Variants in OSBPL10 observed in about 807,000 individuals in gnomAD.
OSBPL10 encodes the protein oxysterol-binding protein-related protein 10.
OSBPL10 carries 49 observed loss-of-function variants against 81.7 expected under a neutral mutation model. The observed-to-expected ratio is 0.60, with a 90% CI of 0.48 to 0.76. The LOEUF is 0.76. Among genes scored for constraint, OSBPL10 ranks in the 30% least tolerant of loss-of-function variants. The pLI, the probability that OSBPL10 is intolerant of heterozygous loss-of-function variation, is 0.00. For missense variants in OSBPL10, 923 were observed against 987.8 expected (o/e 0.93, Z 0.88); for synonymous variants, 419 against 383.6 (o/e 1.09, Z -1.08).
chr3:31,917,176 C>T lies in OSBPL10; in HGVS notation c.282-37346G>A, dbSNP rs114825875. ...GCATCCCACCGGTGCCCACACTAGG[C>T]CCCACACAAGAAATTACACGACAGT... On this transcript the variant is annotated intron_variant, in intron 1 of 11. Transcript: ENST00000396556. Among the ~76,000 whole-genome samples the T allele has an allele frequency of 4.9e-3, 739 of 152,230 alleles. 4 individuals carry two copies. The highest frequency in any genetic ancestry group is 8.4e-3 in the Non-Finnish European group (570 of 68,012).
chr3:31,666,718 C>G (rs1336831010), intron 10 of OSBPL10, among the ~76,000 whole-genome samples: 1 of 152,156 alleles, frequency 6.6e-6, no homozygotes, highest in African/African-American at 2.4e-5. Context: ...ATGTTTCTTC[C>G]TATACATTAC....
At chr3:31,867,855 A>G (rs1701220510) in intron 3 of OSBPL10, among the ~76,000 whole-genome samples, 1 of 152,188 alleles carries the variant, frequency 6.6e-6, no homozygotes, top group Non-Finnish European at 1.5e-5. Context: ...ACTGGAAGGA[A>G]GATAAAACAC....
At position 31,905,345 on chromosome 3, in the gene OSBPL10, A is replaced by ATTTTTTTTTT. The variant is rs386396290; in HGVS notation, c.282-25525_282-25516dup. On this transcript the variant is annotated intron_variant, in intron 1 of 11. Transcript: ENST00000396556. ...GAGCTCTATGTCAAGGAACCTGGTG[A>ATTTTTTTTTT]TTTTTTTTTTTTTTTTTTTTTTTAG... Among the ~76,000 whole-genome samples, 89 of 94,814 alleles carry ATTTTTTTTTT rather than the reference A, an allele frequency of 9.4e-4. 7 individuals are homozygous for ATTTTTTTTTT. Among genetic ancestry groups the ATTTTTTTTTT allele is most frequent in the African/African-American group, 3.8e-3 (80 of 21,286 alleles). 62.2% of individuals were successfully genotyped at this position (94,814 alleles called of 152,430 possible).
intron 4 of OSBPL10, among the ~76,000 whole-genome samples, chr3:31,772,295 C>T (rs935620614): frequency 6.6e-6 from 1 of 152,162 alleles, no homozygotes; most frequent in East Asian, 1.9e-4. Flanking sequence ...TTCCACATAA[C>T]CCCTTTCCTT....
chr3:31,982,205 T>C (rs1167433368), upstream of OSBPL10, among the ~76,000 whole-genome samples: 2 of 152,174 alleles, frequency 1.3e-5, no homozygotes, highest in African/African-American at 2.4e-5. Flanking sequence ...CATTGAAGGA[T>C]TCTCTGTGTT....
At chr3:31,975,113 T>C (rs1278578632) in intron 1 of OSBPL10, among the ~76,000 whole-genome samples, 1 of 152,202 alleles carries the variant, frequency 6.6e-6, no homozygotes, top group Non-Finnish European at 1.5e-5. Flanking sequence ...GAGTAGTTAA[T>C]ACGAAGCAGG....
chr3:31,796,992 A>ATTT (rs1491120276), intron 4 of OSBPL10, among the ~76,000 whole-genome samples: 10 of 96,762 alleles, frequency 1.0e-4, no homozygotes, highest in Non-Finnish European at 1.3e-4. Context: ...AATTTTTATT[A>ATTT]ATTTTTTTTT....
At chr3:31,820,488 A>G (rs4955211) in intron 4 of OSBPL10, among the ~76,000 whole-genome samples, 107,300 of 151,596 alleles carry the variant, frequency 0.71, 38,511 homozygotes, top group East Asian at 0.93. Flanking sequence ...CCAGCTACTC[A>G]AGAGGCTGAA....
intron 2 of OSBPL10, among the ~76,000 whole-genome samples, chr3:31,995,763 C>A (rs912554642): frequency 6.6e-6 from 1 of 152,162 alleles, no homozygotes; most frequent in Non-Finnish European, 1.5e-5. Context: ...TCTGCTGAGG[C>A]TCCAGCCGGT....
intron 1 of OSBPL10, among the ~76,000 whole-genome samples, chr3:31,955,537 C>G (rs893785844): frequency 6.6e-6 from 1 of 152,230 alleles, no homozygotes; most frequent in African/African-American, 2.4e-5. Context: ...CTCTTGGTAA[C>G]AGCATTGGCA....
intron 3 of OSBPL10, among the ~76,000 whole-genome samples, chr3:31,858,001 T>TC (rs1410191425): frequency 9.8e-5 from 1 of 10,158 alleles, no homozygotes; most frequent in East Asian, 0.011. Context: ...CAGCCTGTGT[T>TC]TTTTTTTTTT....
chr3:31,731,874 G>T (rs1005527819), intron 6 of OSBPL10, among the ~76,000 whole-genome samples: 1 of 152,134 alleles, frequency 6.6e-6, no homozygotes, highest in Admixed American at 6.5e-5. Flanking sequence ...CAACAACTTT[G>T]TGTAAAAAAC....
chr3:31,917,981 CAATG>C (rs1696805878), intron 1 of OSBPL10, among the ~76,000 whole-genome samples: 1 of 151,888 alleles, frequency 6.6e-6, no homozygotes, highest in South Asian at 2.1e-4. Flanking sequence ...TGAGGTTAAT[CAATG>C]AATAAGTGAA....
At chr3:31,953,679 G>A (rs1238065062) in intron 1 of OSBPL10, among the ~76,000 whole-genome samples, 2 of 152,100 alleles carry the variant, frequency 1.3e-5, no homozygotes, top group Admixed American at 6.6e-5. Flanking sequence ...GTGCTGGAAT[G>A]ACAAGTGTGA....
chr3:32,042,224 C>T (rs1053460308), intron 2 of OSBPL10, among the ~76,000 whole-genome samples: 3 of 152,182 alleles, frequency 2.0e-5, no homozygotes, highest in Non-Finnish European at 4.4e-5. Flanking sequence ...GTGGGGTCAC[C>T]CCCACCTTTA....
intron 1 of OSBPL10, among the ~76,000 whole-genome samples, chr3:31,967,251 TTC>T (rs1241210301): frequency 6.6e-6 from 1 of 152,144 alleles, no homozygotes; most frequent in Non-Finnish European, 1.5e-5. Flanking sequence ...TTTGATTGTT[TTC>T]TGTTTGTAAT....
At chr3:32,075,201 C>T (rs1214170628) in intron 1 of OSBPL10, among the ~76,000 whole-genome samples, 1 of 152,184 alleles carries the variant, frequency 6.6e-6, no homozygotes, top group Non-Finnish European at 1.5e-5. Context: ...CCAGGTTGAC[C>T]CTTTAGCTGC....
At position 31,822,938 on chromosome 3, in the gene OSBPL10, GAA is replaced by G. The variant is rs71097448; in HGVS notation, c.729+7100_729+7101del. Among the ~76,000 whole-genome samples, 11 of 133,348 alleles carry G rather than the reference GAA, an allele frequency of 8.2e-5. No homozygotes were observed. The East Asian group carries it at 2.2e-3, about 26-fold the overall frequency. 87.5% of individuals were successfully genotyped at this position (133,348 alleles called of 152,430 possible). ...TAAAAAAAAAAAAAAAGTTAAAATA[GAA>G]AAAAAAATACAATACAATAAATACC... On this transcript the variant is annotated intron_variant, in intron 4 of 11. Coordinates refer to ENST00000396556, the MANE Select transcript of OSBPL10 (RefSeq NM_017784.5).
chr3:31,737,281 C>T (rs1250957017), intron 5 of OSBPL10, among the ~76,000 whole-genome samples: 1 of 151,880 alleles, frequency 6.6e-6, no homozygotes, highest in South Asian at 2.1e-4. Flanking sequence ...CATTTGGAGA[C>T]GAAGGCAAAA....
Sources: gnomAD v4.1 joint callset for allele counts (sites outside exome capture counted in the v4.1 genomes callset) on GRCh38, gnomAD v4.1.1 for gene constraint, MANE v1.5 for transcripts, NCBI Gene and HGNC (gene_info 2026-07-23, HGNC 2026-07-21) for gene names.